The following FBXL17 variants were observed in gnomAD, a reference collection of about 807,000 sequenced individuals.
FBXL17 encodes F-box and leucine rich repeat protein 17.
In FBXL17, 22 loss-of-function variants were observed where a neutral mutation model predicts 66.2. The observed-to-expected ratio is 0.33, with a 90% CI of 0.24 to 0.47. The LOEUF is 0.47. Among genes scored for constraint, FBXL17 ranks in the 20% least tolerant of loss-of-function variants. FBXL17 has a pLI of 1.00. For missense variants in FBXL17, 878 were observed against 948.2 expected (o/e 0.93, Z 0.97); for synonymous variants, 474 against 400.5 (o/e 1.18, Z -2.19).
At chr5:108,045,512 CTT>C in intron 6 of FBXL17, among the ~76,000 whole-genome samples, 1 of 152,188 alleles carries the variant, frequency 6.6e-6, no homozygotes, top group East Asian at 1.9e-4. Context: ...CACTGCTCTT[CTT>C]TTTCTAGCGT....
intron 6 of FBXL17, among the ~76,000 whole-genome samples, chr5:108,103,245 A>T (rs1219003327): frequency 6.6e-6 from 1 of 152,232 alleles, no homozygotes; most frequent in Non-Finnish European, 1.5e-5. Flanking sequence ...TTATACAATT[A>T]TGCAAAAGGT....
intron 6 of FBXL17, among the ~76,000 whole-genome samples, chr5:108,171,978 A>G (rs1182536616): frequency 6.6e-6 from 1 of 152,176 alleles, no homozygotes; most frequent in Non-Finnish European, 1.5e-5. Flanking sequence ...GTAAGACGTG[A>G]CTTGCTCCTC....
chr5:107,969,838 C>A (rs6867577), intron 7 of FBXL17, among the ~76,000 whole-genome samples: 107,278 of 152,058 alleles, frequency 0.71, 37,986 homozygotes, highest in Middle Eastern at 0.74. Flanking sequence ...GTGGGGAATA[C>A]ATGGGTTTGA....
intron 4 of FBXL17, among the ~76,000 whole-genome samples, chr5:108,306,933 G>A (rs1258094769): frequency 6.6e-6 from 1 of 151,456 alleles, no homozygotes; most frequent in Non-Finnish European, 1.5e-5. Context: ...TTACTTTATT[G>A]ATTATGCCTC....
chr5:107,963,600 T>C (rs540998349), intron 7 of FBXL17, among the ~76,000 whole-genome samples: 1 of 152,286 alleles, frequency 6.6e-6, no homozygotes, highest in African/African-American at 2.4e-5. Flanking sequence ...AAAACGAGGA[T>C]AGCACTACTT....
intron 6 of FBXL17, among the ~76,000 whole-genome samples, chr5:108,096,747 G>A (rs1197986274): frequency 2.0e-5 from 3 of 152,184 alleles, no homozygotes; most frequent in African/African-American, 7.2e-5. Context: ...CAAGAAACAA[G>A]GAGCTGTCTG....
intron 4 of FBXL17, chr5:108,298,190 G>A: frequency 1.0e-6 from 1 of 979,572 alleles, no homozygotes; most frequent in Non-Finnish European, 1.2e-6. Context: ...AGAAAGTACA[G>A]CTCCATATGA....
chr5:108,126,052 T>C (rs1750684289), intron 6 of FBXL17, among the ~76,000 whole-genome samples: 1 of 152,096 alleles, frequency 6.6e-6, no homozygotes, highest in African/African-American at 2.4e-5. Context: ...AATGGGGCTT[T>C]TGAGAATTTC....
intron 7 of FBXL17, among the ~76,000 whole-genome samples, chr5:107,894,527 T>C (rs1350468739): frequency 6.6e-6 from 1 of 152,146 alleles, no homozygotes; most frequent in Non-Finnish European, 1.5e-5. Context: ...GATGCAAGAT[T>C]CCCTGCCTTC....
chr5:108,086,194 C>G (rs1022196408), intron 6 of FBXL17, among the ~76,000 whole-genome samples: 4 of 151,694 alleles, frequency 2.6e-5, no homozygotes, highest in Admixed American at 6.6e-5. Flanking sequence ...CAATCCCAGA[C>G]AGTAAAAACC....
At chr5:108,376,759 T>C (rs1400532034) in intron 1 of FBXL17, among the ~76,000 whole-genome samples, 1 of 151,638 alleles carries the variant, frequency 6.6e-6, no homozygotes, top group Non-Finnish European at 1.5e-5. Context: ...AAACTGGACA[T>C]TTTGGATAAC....
chr5:108,316,479 A>G (rs917402121), intron 4 of FBXL17, among the ~76,000 whole-genome samples: 2 of 151,622 alleles, frequency 1.3e-5, no homozygotes, highest in Non-Finnish European at 3.0e-5. Context: ...CCAACATTGT[A>G]CAGAACCTTA....
chr5:107,882,515 G>C (rs1315726687), intron 7 of FBXL17, among the ~76,000 whole-genome samples: 2 of 152,122 alleles, frequency 1.3e-5, no homozygotes, highest in Non-Finnish European at 2.9e-5. Flanking sequence ...AGTTCTCTAT[G>C]TACCAGTTTG....
chr5:108,011,006 C>G (rs774990408), intron 7 of FBXL17, among the ~76,000 whole-genome samples: 3 of 152,148 alleles, frequency 2.0e-5, no homozygotes, highest in African/African-American at 4.8e-5. Context: ...TCTGGAGAGG[C>G]TTAACTATGC....
chr5:108,172,551 G>A lies in FBXL17; in HGVS notation c.1745+13566C>T, dbSNP rs955683940. ...ATATTTTCAACTACAAATAATCACA[G>A]AAGTTCTGAAGGACAAAAGTAGGTA... On this transcript the variant is annotated intron_variant, in intron 6 of 8. Coordinates refer to ENST00000542267, the MANE Select transcript of FBXL17 (RefSeq NM_001163315.3). 1.9e-4 allele frequency among the ~76,000 whole-genome samples: 29 copies of A among 152,150 alleles called. 1 individual carries two copies. Among genetic ancestry groups the A allele is most frequent in the African/African-American group, 7.0e-4 (29 of 41,510 alleles).
chr5:108,213,634 C>T (rs762805379), intron 5 of FBXL17, among the ~76,000 whole-genome samples: 16 of 152,114 alleles, frequency 1.1e-4, no homozygotes, highest in Admixed American at 8.5e-4. Flanking sequence ...TCCAACCAGT[C>T]CCAGTGAGAT....
chr5:107,907,537 C>T lies in FBXL17; in HGVS notation c.1823-26358G>A, dbSNP rs141145747. On this transcript the variant is annotated intron_variant, in intron 7 of 8. Transcript: ENST00000542267. The stretch of plus-strand genomic sequence containing the variant: ...ACAAAATGGGAGAAAATTTTTGCAA[C>T]CTACTCATCTGACAAAGGGCTAATA... Among the ~76,000 whole-genome samples, 357 of 152,056 alleles carry T rather than the reference C, an allele frequency of 2.3e-3. 1 individual carries two copies. The highest frequency in any genetic ancestry group is 8.3e-3 in the African/African-American group (344 of 41,490).
chr5:107,969,649 G>C (rs1243302034), intron 7 of FBXL17, among the ~76,000 whole-genome samples: 1 of 152,084 alleles, frequency 6.6e-6, no homozygotes, highest in Non-Finnish European at 1.5e-5. Context: ...CAGGACTGTA[G>C]AAGCCTCATG....
chr5:107,981,109 C>T (rs1752807477), intron 7 of FBXL17, among the ~76,000 whole-genome samples: 1 of 152,024 alleles, frequency 6.6e-6, no homozygotes, highest in Admixed American at 6.6e-5. Flanking sequence ...AATGGGAGGG[C>T]ATCTGAGACA....
Sources: gnomAD v4.1 joint callset for allele counts (sites outside exome capture counted in the v4.1 genomes callset) on GRCh38, gnomAD v4.1.1 for gene constraint, MANE v1.5 for transcripts, NCBI Gene and HGNC (gene_info 2026-07-23, HGNC 2026-07-21) for gene names.